MAPRE2: variants seen among roughly 807,000 people sequenced by gnomAD.
MAPRE2 encodes the protein microtubule-associated protein RP/EB family member 2.
In MAPRE2, 13 loss-of-function variants were observed where a neutral mutation model predicts 43.2. The observed-to-expected ratio is 0.30, with a 90% confidence interval of 0.20 to 0.48. The LOEUF is 0.48. Among genes scored for constraint, MAPRE2 ranks in the 20% least tolerant of loss-of-function variants. The pLI is 0.99. For synonymous variants in MAPRE2, 135 were observed against 148.8 expected (o/e 0.91, Z 0.68); for missense variants, 161 against 400.2 (o/e 0.40, Z 5.10).
At chr18:35,019,940 G>C (rs1421521872) in intron 2 of MAPRE2, among the ~76,000 whole-genome samples, 1 of 151,954 alleles carries the variant, frequency 6.6e-6, no homozygotes, top group Non-Finnish European at 1.5e-5. Flanking sequence ...CAATGGATGA[G>C]GCATTCTAGT....
chr18:35,114,520 T>C (rs1191631967), intron 4 of MAPRE2, among the ~76,000 whole-genome samples: 2 of 152,178 alleles, frequency 1.3e-5, no homozygotes, highest in African/African-American at 4.8e-5. Flanking sequence ...AGCAGAAGTG[T>C]ATACAAAGCC....
chr18:34,986,466 C>T (rs1405573955), intron 1 of MAPRE2, among the ~76,000 whole-genome samples: 2 of 152,154 alleles, frequency 1.3e-5, no homozygotes, highest in African/African-American at 4.8e-5. Context: ...GGTTTTGCTC[C>T]ACCTGGTTCT....
intron 2 of MAPRE2, among the ~76,000 whole-genome samples, chr18:35,075,914 TC>T (rs142165173): frequency 0.097 from 14,756 of 152,178 alleles, 1,056 homozygotes; most frequent in East Asian, 0.22. Context: ...AGGTTTTTTT[TC>T]CCTCCAAATT....
intron 2 of MAPRE2, among the ~76,000 whole-genome samples, chr18:35,019,030 T>C (rs1380640176): frequency 7.0e-6 from 1 of 142,958 alleles, no homozygotes; most frequent in Non-Finnish European, 1.5e-5. Context: ...CTGTTTTCAT[T>C]TATTTCAAAG....
chr18:35,138,477 A>G (rs1433592621), intron 6 of MAPRE2, among the ~76,000 whole-genome samples: 1 of 152,168 alleles, frequency 6.6e-6, no homozygotes, highest in African/African-American at 2.4e-5. Context: ...TTTCAACACA[A>G]TGTCACTGTC....
intron 1 of MAPRE2, among the ~76,000 whole-genome samples, chr18:34,985,359 A>AATATAATATATAATATATTATTTTATAT (rs2097019655): frequency 2.5e-5 from 1 of 39,652 alleles, no homozygotes; most frequent in African/African-American, 1.1e-4. Context: ...TTATATATAT[A>AATATAATATATAATATATTATTTTATAT]ATATAATATA....
intron 1 of MAPRE2, among the ~76,000 whole-genome samples, chr18:35,002,739 T>C (rs2097029970): frequency 1.3e-5 from 2 of 152,256 alleles, no homozygotes; most frequent in African/African-American, 4.8e-5. Context: ...TTCATATCTT[T>C]TTCCCATTTT....
At chr18:35,002,982 A>C (rs934740020) in intron 1 of MAPRE2, among the ~76,000 whole-genome samples, 14 of 152,082 alleles carry the variant, frequency 9.2e-5, no homozygotes, top group African/African-American at 2.7e-4. Context: ...CCCGATCCTA[A>C]AGATTTTCTC....
chr18:35,064,989 G>C (rs1906761735), intron 1 of MAPRE2, among the ~76,000 whole-genome samples: 1 of 152,076 alleles, frequency 6.6e-6, no homozygotes, highest in African/African-American at 2.4e-5. Context: ...TCTCTCTTCT[G>C]TTTGCAAAAC....
chr18:35,132,854 G>A lies in MAPRE2; in HGVS notation c.909+664G>A, dbSNP rs893564526. 2.6e-5 allele frequency among the ~76,000 whole-genome samples: 4 copies of A among 152,146 alleles called. No homozygotes were observed. The East Asian group carries it at 5.8e-4, about 22-fold the overall frequency. On this transcript the variant is annotated intron_variant, in intron 6 of 6. Transcript: ENST00000300249. ...AATCTAGGAAGCAAGGAGAGAAAGC[G>A]GGGCAGGATGCATGGCAGAGACTGA...
chr18:35,032,689 GT>G (rs939352277), intron 2 of MAPRE2, among the ~76,000 whole-genome samples: 1 of 151,546 alleles, frequency 6.6e-6, no homozygotes, highest in Non-Finnish European at 1.5e-5. Context: ...TTTTTGTTTT[GT>G]TTTTTTGTTT....
At chr18:35,031,697 T>C (rs938255729) in intron 2 of MAPRE2, among the ~76,000 whole-genome samples, 1 of 152,228 alleles carries the variant, frequency 6.6e-6, no homozygotes, top group African/African-American at 2.4e-5. Flanking sequence ...TTCTGTGTTT[T>C]CACATCATGG....
intron 4 of MAPRE2, among the ~76,000 whole-genome samples, chr18:35,111,992 C>G (rs1909196233): frequency 6.6e-6 from 1 of 152,174 alleles, no homozygotes. Flanking sequence ...CACTTATCCA[C>G]ATACCATCCT....
intron 2 of MAPRE2, among the ~76,000 whole-genome samples, chr18:35,096,609 T>C (rs1453892962): frequency 6.6e-6 from 1 of 152,168 alleles, no homozygotes; most frequent in Non-Finnish European, 1.5e-5. Flanking sequence ...TTCTATAGCT[T>C]TCAGTATCCA....
intron 1 of MAPRE2, among the ~76,000 whole-genome samples, chr18:35,051,542 T>G (rs1474745016): frequency 6.6e-6 from 1 of 152,160 alleles, no homozygotes; most frequent in East Asian, 1.9e-4. Flanking sequence ...TCTACTCCAG[T>G]TCAAAATTTG....
At chr18:35,079,725 C>G (rs950076975) in intron 2 of MAPRE2, among the ~76,000 whole-genome samples, 1 of 152,194 alleles carries the variant, frequency 6.6e-6, no homozygotes, top group African/African-American at 2.4e-5. Context: ...AGTCAAATCC[C>G]TGTTAGATTT....
intron 2 of MAPRE2, among the ~76,000 whole-genome samples, chr18:35,030,548 G>A (rs1364052979): frequency 7.5e-6 from 1 of 133,044 alleles, no homozygotes; most frequent in African/African-American, 3.3e-5. Flanking sequence ...TTGGGACTTA[G>A]AATAGCCCCC....
In MAPRE2 at chr18:35,041,453, C is replaced by T; in HGVS notation, c.-87C>T. ...GAGCAGGCGGCAGGCACGGTCCGTG[C>T]GGAGCAGGCGAGCGAGCGGGAAGAC... On this transcript the variant is annotated 5_prime_UTR_variant, in exon 1 of 7. Transcript: ENST00000300249. 2 of 1,605,508 alleles carry T rather than the reference C, an allele frequency of 1.2e-6. No homozygotes were observed.
At position 35,057,303 on chromosome 18, in the gene MAPRE2, C is replaced by T. The variant is rs560692948; in HGVS notation, c.123-12892C>T. 1.5e-4 allele frequency among the ~76,000 whole-genome samples: 23 copies of T among 152,330 alleles called. No individual in the cohort carries two copies. The East Asian group carries it at 4.4e-3, about 29-fold the overall frequency. On this transcript the variant is annotated intron_variant, in intron 1 of 6. Coordinates refer to ENST00000300249, the MANE Select transcript of MAPRE2 (RefSeq NM_014268.4). ...GCGCTAGTATTACAGGCATGAGCCA[C>T]CATGCCCTCTGTTATTTCTATACCT...
Sources: allele counts gnomAD v4.1 joint callset (sites outside exome capture counted in the v4.1 genomes callset), GRCh38; gene constraint gnomAD v4.1.1; transcripts MANE v1.5; gene names NCBI Gene and HGNC (gene_info 2026-07-23, HGNC 2026-07-21).